The following SLC25A26 variants were observed in gnomAD, a reference collection of about 807,000 sequenced individuals.
The protein encoded by SLC25A26 is mitochondrial S-adenosylmethionine carrier protein.
A neutral mutation model predicts 37.8 loss-of-function variants in SLC25A26; 36 were observed. That is an observed-to-expected ratio of 0.95 (90% confidence interval 0.73 to 1.26). SLC25A26 has a LOEUF of 1.26. SLC25A26 is among the 50% of genes most tolerant of loss of function. The pLI is 0.00. For synonymous variants in SLC25A26, 129 were observed against 122.5 expected (o/e 1.05, Z -0.35); for missense variants, 390 against 331.1 (o/e 1.18, Z -1.38).
In SLC25A26 at chr3:66,377,984, C is replaced by T. The variant is rs1244247998; in HGVS notation, c.*177C>T. 9 of 564,442 alleles carry T rather than the reference C, an allele frequency of 1.6e-5. No homozygotes were observed. Among genetic ancestry groups the T allele is most frequent in the Non-Finnish European group, 2.8e-5 (9 of 317,180 alleles). The allele number at this position is 564,442 out of a possible 1,614,324, so 35.0% of individuals were successfully genotyped here. On this transcript the variant is annotated 3_prime_UTR_variant, in exon 10 of 10. Coordinates refer to ENST00000354883, the MANE Select transcript of SLC25A26 (RefSeq NM_001379210.1). The stretch of plus-strand genomic sequence containing the variant: ...GGCTGGCTGGTATGAAGTCATTGGC[C>T]TGTATGCCAGAGAGCTAAGAGAAGA...
chr3:66,339,402 C>T (rs1486360941), intron 5 of SLC25A26, among the ~76,000 whole-genome samples: 2 of 151,958 alleles, frequency 1.3e-5, no homozygotes, highest in African/African-American at 4.8e-5. Context: ...AATGGAATTG[C>T]TGGATTTTAT....
intron 5 of SLC25A26, among the ~76,000 whole-genome samples, chr3:66,329,040 ACGTGG>A (rs2075908013): frequency 6.6e-6 from 1 of 152,166 alleles, no homozygotes; most frequent in Admixed American, 6.5e-5. Context: ...TTCAGACAGC[ACGTGG>A]CACATTGTGA....
At chr3:66,146,508 T>A (rs974849613) in intron 1 of SLC25A26, among the ~76,000 whole-genome samples, 1 of 152,146 alleles carries the variant, frequency 6.6e-6, no homozygotes, top group Admixed American at 6.5e-5. Flanking sequence ...TATATTTTCA[T>A]ATTTTTTCTA....
chr3:66,244,413 G>A (rs782780184), intron 3 of SLC25A26, among the ~76,000 whole-genome samples: 9 of 152,138 alleles, frequency 5.9e-5, no homozygotes, highest in Admixed American at 4.6e-4. Flanking sequence ...CTCGAAGTAG[G>A]CATAAACTTA....
intron 5 of SLC25A26, among the ~76,000 whole-genome samples, chr3:66,276,957 G>T (rs1312184254): frequency 8.0e-6 from 1 of 124,564 alleles, no homozygotes; most frequent in East Asian, 2.7e-4. Context: ...GGCACTGTTT[G>T]AAAAAAAAAA....
At chr3:66,335,932 G>C (rs777617104) in intron 5 of SLC25A26, among the ~76,000 whole-genome samples, 2 of 152,162 alleles carry the variant, frequency 1.3e-5, no homozygotes, top group African/African-American at 2.4e-5. Flanking sequence ...AAGGAGAGTA[G>C]ATGAGTAGGC....
intron 5 of SLC25A26, among the ~76,000 whole-genome samples, chr3:66,289,097 A>G (rs1400615741): frequency 2.6e-5 from 4 of 152,066 alleles, no homozygotes; most frequent in Non-Finnish European, 5.9e-5. Flanking sequence ...GCATTTTTTC[A>G]TATGTTTGTT....
intron 9 of SLC25A26, among the ~76,000 whole-genome samples, chr3:66,377,331 A>G (rs1385541714): frequency 6.6e-6 from 1 of 152,096 alleles, no homozygotes; most frequent in Admixed American, 6.6e-5. Flanking sequence ...GAAGGACAAA[A>G]TGCAACTGAG....
chr3:66,317,292 G>A (rs927824788), intron 5 of SLC25A26, among the ~76,000 whole-genome samples: 3 of 152,094 alleles, frequency 2.0e-5, no homozygotes, highest in Non-Finnish European at 4.4e-5. Flanking sequence ...GGTTTGTGTG[G>A]GTCTTTTTTG....
In SLC25A26 at chr3:66,223,513, CT is replaced by C. The variant is rs201374184; in HGVS notation, c.33+2391del. Among the ~76,000 whole-genome samples, 560 of 152,282 alleles carry C rather than the reference CT, an allele frequency of 3.7e-3. 3 individuals are homozygous for C. The highest frequency in any genetic ancestry group is 0.017 in the East Asian group (88 of 5,180). ...GAGTAGTACGGAAATGGAGTGGCTA[CT>C]TTTTAATGTCTTGGAGTGCGTTTGA... On this transcript the variant is annotated intron_variant, in intron 1 of 9. Transcript: ENST00000354883.
In SLC25A26 at chr3:66,243,245, T is replaced by C; in HGVS notation, c.233T>C (p.Leu78Ser). The change falls in exon 3 of 10, where the codon TTG (leucine) becomes TCG (serine). Residue 78 changes from leucine (L) to serine (S), a missense_variant. Coordinates refer to ENST00000354883, the MANE Select transcript of SLC25A26 (RefSeq NM_001379210.1). The part of the protein sequence containing the change: ...FITYEYVKWF[L>S]HADSSSYLTP... ...ACCTATGAATATGTGAAGTGGTTTT[T>C]GCATGCTGATTCATCTTCATATTTG... 3 of 1,610,298 alleles carry C rather than the reference T, an allele frequency of 1.9e-6. No individual in the cohort carries two copies. Among genetic ancestry groups the C allele is most frequent in the Non-Finnish European group, 1.7e-6 (2 of 1,177,696 alleles).
chr3:66,195,038 C>T (rs2071021737), intron 1 of SLC25A26, among the ~76,000 whole-genome samples: 2 of 152,258 alleles, frequency 1.3e-5, no homozygotes, highest in African/African-American at 2.4e-5. Flanking sequence ...AATCCCACCT[C>T]CTTTACCAGT....
chr3:66,255,185 C>T (rs934973986), intron 3 of SLC25A26, among the ~76,000 whole-genome samples: 2 of 152,096 alleles, frequency 1.3e-5, no homozygotes, highest in Non-Finnish European at 2.9e-5. Flanking sequence ...TCATAGGTGG[C>T]CTAGGCTGGC....
At chr3:66,319,631 T>A (rs1402636132) in intron 5 of SLC25A26, among the ~76,000 whole-genome samples, 1 of 152,148 alleles carries the variant, frequency 6.6e-6, no homozygotes, top group African/African-American at 2.4e-5. Flanking sequence ...TTCCATTAGC[T>A]GTTTTTCTTT....
intron 1 of SLC25A26, among the ~76,000 whole-genome samples, chr3:66,215,376 T>C (rs2071345215): frequency 6.6e-6 from 1 of 152,090 alleles, no homozygotes; most frequent in Non-Finnish European, 1.5e-5. Flanking sequence ...AATTATTTTA[T>C]TTTTTGTAGA....
At chr3:66,317,248 A>G (rs573607799) in intron 5 of SLC25A26, among the ~76,000 whole-genome samples, 5 of 152,026 alleles carry the variant, frequency 3.3e-5, no homozygotes, top group African/African-American at 4.8e-5. Flanking sequence ...GGGTTTATCT[A>G]CCTTTGATTT....
intron 6 of SLC25A26, among the ~76,000 whole-genome samples, chr3:66,361,802 A>T (rs1187427346): frequency 6.6e-6 from 1 of 152,038 alleles, no homozygotes; most frequent in African/African-American, 2.4e-5. Context: ...CGTGTCTAGG[A>T]CTAAAAATAC....
intron 5 of SLC25A26, among the ~76,000 whole-genome samples, chr3:66,329,064 G>A (rs1292996581): frequency 2.0e-5 from 3 of 152,012 alleles, no homozygotes; most frequent in Admixed American, 2.0e-4. Flanking sequence ...GATCACTAAG[G>A]GTTTGCCATT....
At chr3:66,160,716 C>T (rs1256577964) in intron 1 of SLC25A26, among the ~76,000 whole-genome samples, 1 of 152,192 alleles carries the variant, frequency 6.6e-6, no homozygotes, top group Non-Finnish European at 1.5e-5. Flanking sequence ...AGGTGGATCA[C>T]TGAATGTCAG....
Sources: allele counts gnomAD v4.1 joint callset (sites outside exome capture counted in the v4.1 genomes callset), GRCh38; gene constraint gnomAD v4.1.1; transcripts MANE v1.5; gene names NCBI Gene and HGNC (gene_info 2026-07-23, HGNC 2026-07-21).